Variants in GLB1L2 observed in about 807,000 individuals in gnomAD.
GLB1L2 encodes the protein galactosidase beta 1 like 2, also known as beta-galactosidase-1-like protein 2.
Under a neutral mutation model 84.1 loss-of-function variants are expected in GLB1L2, and 68 were observed. That is an observed-to-expected ratio of 0.81 (90% CI 0.67 to 0.99). GLB1L2 has a LOEUF of 0.99. Ranked by LOEUF, GLB1L2 falls within the 50% of genes least tolerant of loss-of-function variation. GLB1L2 has a pLI of 0.00. For missense variants in GLB1L2, 762 were observed against 805.6 expected, an observed-to-expected ratio of 0.95 and a Z score of 0.66; for synonymous variants, 290 against 318.0, an observed-to-expected ratio of 0.91 and a Z score of 0.94.
intron 7 of GLB1L2, among the ~76,000 whole-genome samples, chr11:134,364,005 G>A (rs907154100): frequency 2.0e-5 from 3 of 152,166 alleles, no homozygotes; most frequent in African/African-American, 7.2e-5. Context: ...AGCCTCCCAA[G>A]TAGTTGGGAT....
Position 134,367,279 on chromosome 11 carries a change from T to C in GLB1L2, c.827T>C (p.Met276Thr). The change falls in exon 9 of 19, where the codon ATG (methionine) becomes ACG (threonine). Residue 276 changes from methionine to threonine, a missense_variant. By Grantham distance (81) the Met-to-Thr change is moderately conservative. Coordinates refer to ENST00000535456, the MANE Select transcript of GLB1L2 (RefSeq NM_001370461.1). ...CAGGGGACTCAGCCCAAGATGGTGA[T>C]GGAGTACTGGACGGGGTGGTTTGAC... is the stretch of plus-strand genomic sequence containing the variant. ...NVQGTQPKMVMEYWTGWFDSW... is the reference protein window; with the variant it reads ...NVQGTQPKMVTEYWTGWFDSW... 1 of 1,614,178 alleles carries C rather than the reference T, an allele frequency of 6.2e-7. No homozygotes were observed. The highest frequency in any genetic ancestry group is 8.5e-7 in the Non-Finnish European group (1 of 1,180,010).
rs1468952204 is a variant in GLB1L2 at position 134,334,291 on chromosome 11, G to A, written c.86+2144G>A. ...TTCCTGTAGCAGAAGGCAGGTATTT[G>A]GACAGTGGCTGGCATGGGCTGGGGG... On this transcript the variant is annotated intron_variant, in intron 1 of 18. Coordinates refer to ENST00000535456, the MANE Select transcript of GLB1L2 (RefSeq NM_001370461.1). This position sits in a 1 kb window ranked among gnomAD's most constrained non-coding sequence, Gnocchi z 4.1. Among the ~76,000 whole-genome samples, 1 of 152,078 alleles carries A rather than the reference G, an allele frequency of 6.6e-6. No individual in the cohort carries two copies. Among genetic ancestry groups the A allele is most frequent in the African/African-American group, 2.4e-5 (1 of 41,408 alleles).
chr11:134,342,095 AC>A (rs1285784448), intron 1 of GLB1L2, among the ~76,000 whole-genome samples: 1 of 151,266 alleles, frequency 6.6e-6, no homozygotes, highest in African/African-American at 2.4e-5. Flanking sequence ...AAGGAGACCC[AC>A]CCGGCAGCAC....
At chr11:134,336,221 A>AT (rs1025818195) in intron 1 of GLB1L2, among the ~76,000 whole-genome samples, 19 of 152,096 alleles carry the variant, frequency 1.2e-4, no homozygotes, top group African/African-American at 4.3e-4. Flanking sequence ...CACAGATTGT[A>AT]TTTTTTTCCC....
At chr11:134,373,607 C>G (rs1263025250) in intron 15 of GLB1L2, 114 bp from the exon 16 acceptor site, 1 of 692,654 alleles carries the variant, frequency 1.4e-6, no homozygotes, top group Non-Finnish European at 2.6e-6. Context: ...TCTCAGGGAG[C>G]GTACACTTCA....
In GLB1L2 at chr11:134,370,431, G is replaced by C; in HGVS notation, c.1215+32G>C. 1 of 1,551,794 alleles carries C rather than the reference G, an allele frequency of 6.4e-7. No individual in the cohort carries two copies. Among genetic ancestry groups the C allele is most frequent in the East Asian group, 2.2e-5 (1 of 44,516 alleles). On this transcript the variant is annotated intron_variant, in intron 12 of 18. Transcript: ENST00000535456. This position sits in a 1 kb window ranked among gnomAD's most constrained non-coding sequence, Gnocchi z 4.7. ...GCTGTGGGCAGTCATCGGGAGGTGA[G>C]TGAGTGCCGGGGGCAGTCGTTGGCA...
chr11:134,362,391 C>A (rs1184631059), intron 7 of GLB1L2, among the ~76,000 whole-genome samples: 1 of 152,082 alleles, frequency 6.6e-6, no homozygotes, highest in South Asian at 2.1e-4. Flanking sequence ...CACTCCATCT[C>A]CTGCGCGAGG....
At chr11:134,332,195 CCCTCCGCACCTCGGGTTCTCT>C (rs1466190516) in intron 1 of GLB1L2, 48 bp downstream of exon 1, 6 of 1,318,332 alleles carry the variant, frequency 4.6e-6, no homozygotes, top group Non-Finnish European at 6.3e-6. Context: ...CATTCCCCAG[CCCTCCGCACCTCGGGTTCTCT>C]CCTCCCGCGA....
chr11:134,347,398 T>G lies in GLB1L2; in HGVS notation c.523T>G (p.Phe175Val), dbSNP rs562713178. Residue 175 changes from phenylalanine (F) to valine (V), a missense_variant, in exon 5 of 19, where the codon TTT becomes GTT. Physicochemically the swap from Phe to Val is conservative, Grantham distance 50. Coordinates refer to ENST00000535456, the MANE Select transcript of GLB1L2 (RefSeq NM_001370461.1). ...CTTCACCGAAGCAGTGGACCTTTAT[T>G]TTGACCACCTGATGTCCAGGGTGGT... ...KGFTEAVDLYFDHLMSRVVPL... is the reference protein window; with the variant it reads ...KGFTEAVDLYVDHLMSRVVPL... The G allele has an allele frequency of 1.9e-6, 3 of 1,614,094 alleles. No homozygotes were observed. The South Asian group carries it at 3.3e-5, about 18-fold the overall frequency.
Position 134,338,294 on chromosome 11 carries a change from T to C in GLB1L2, c.87-4460T>C, listed in dbSNP as rs568009393. Among the ~76,000 whole-genome samples, 3 of 152,316 alleles carry C rather than the reference T, an allele frequency of 2.0e-5. No homozygotes were observed. In the East Asian group the frequency reaches 5.8e-4, roughly 29 times the overall value. The stretch of plus-strand genomic sequence containing the variant: ...GAGTGTTTGCAGGATTGACGGGTGA[T>C]GCAGGGATGCCCGCTGGCATGGCAG... On this transcript the variant is annotated intron_variant, in intron 1 of 18. Transcript: ENST00000535456. This position sits in a 1 kb window ranked among gnomAD's most constrained non-coding sequence, Gnocchi z 6.2.
chr11:134,335,589 G>A (rs898292707), intron 1 of GLB1L2, among the ~76,000 whole-genome samples: 20 of 152,122 alleles, frequency 1.3e-4, no homozygotes, highest in Admixed American at 3.3e-4. Flanking sequence ...GACCAGAGTT[G>A]TCTTGGAGCA....
intron 5 of GLB1L2, among the ~76,000 whole-genome samples, chr11:134,353,417 A>G (rs1000850070): frequency 7.2e-5 from 11 of 152,306 alleles, no homozygotes; most frequent in African/African-American, 2.6e-4. Flanking sequence ...TTTTTTTTAA[A>G]AAAGAAAAAT....
chr11:134,372,522 C>A (rs1201777496), intron 15 of GLB1L2: 2 of 152,040 alleles, frequency 1.3e-5, no homozygotes, highest in Non-Finnish European at 2.9e-5. Context: ...GTAGCTGGGA[C>A]TACAGGCGCC....
intron 10 of GLB1L2, among the ~76,000 whole-genome samples, chr11:134,369,079 C>T (rs1261343518): frequency 1.3e-5 from 2 of 152,176 alleles, no homozygotes; most frequent in African/African-American, 2.4e-5. Context: ...CCTCCCCTCC[C>T]TGCCCAGGCC....
chr11:134,340,099 G>A (rs1943440471), intron 1 of GLB1L2, among the ~76,000 whole-genome samples: 1 of 152,202 alleles, frequency 6.6e-6, no homozygotes, highest in African/African-American at 2.4e-5. Context: ...CTACACCTCT[G>A]CATTTAGCAG....
intron 5 of GLB1L2, chr11:134,355,914 A>G (rs752282173): frequency 6.7e-5 from 29 of 433,068 alleles, no homozygotes; most frequent in Admixed American, 3.9e-4. Context: ...CTTCTTCCCC[A>G]TGAGGGAGCG....
At chr11:134,371,577 G>C (rs577319780) in intron 14 of GLB1L2, 85 bp downstream of exon 14, 2 of 1,033,700 alleles carry the variant, frequency 1.9e-6, no homozygotes, top group East Asian at 4.8e-5. Context: ...AAACCTGGGA[G>C]ACCCGTGGCT....
At chr11:134,350,158 C>T (rs943291686) in intron 5 of GLB1L2, among the ~76,000 whole-genome samples, 13 of 152,220 alleles carry the variant, frequency 8.5e-5, no homozygotes, top group African/African-American at 2.9e-4. Flanking sequence ...TGCTAGTACA[C>T]TGGCTGTAAG....
At chr11:134,352,711 G>A (rs1307364917) in intron 5 of GLB1L2, among the ~76,000 whole-genome samples, 1 of 149,068 alleles carries the variant, frequency 6.7e-6, no homozygotes, top group African/African-American at 2.5e-5. Flanking sequence ...GCAGTGGCAT[G>A]ATCTCAGCTC....
Sources: gnomAD v4.1 joint callset for allele counts (sites outside exome capture counted in the v4.1 genomes callset) on GRCh38, gnomAD v4.1.1 for gene constraint, Gnocchi (gnomAD v3.1) non-coding constraint, MANE v1.5 for transcripts, NCBI Gene and HGNC (gene_info 2026-07-23, HGNC 2026-07-21) for gene names.